AOAH: variants seen among roughly 807,000 people sequenced by gnomAD.
The protein encoded by AOAH is acyloxyacyl hydrolase (neutrophil).
A neutral mutation model predicts 92.2 loss-of-function variants in AOAH; 64 were observed. The ratio of observed to expected loss-of-function variants is 0.69; its 90% confidence interval spans 0.57 to 0.86. The LOEUF (loss-of-function observed/expected upper bound fraction) is 0.86, where lower values mean the gene tolerates loss of function less well. Among genes scored for constraint, AOAH ranks in the 40% least tolerant of loss-of-function variants. The pLI, the probability that AOAH is intolerant of heterozygous loss-of-function variation, is 0.00. For synonymous variants in AOAH, 263 were observed against 254.5 expected (o/e 1.03, Z -0.32); for missense variants, 656 against 694.6 (o/e 0.94, Z 0.62).
At chr7:36,716,634 T>C (rs1178235584) in intron 1 of AOAH, among the ~76,000 whole-genome samples, 2 of 150,278 alleles carry the variant, frequency 1.3e-5, no homozygotes, top group African/African-American at 2.5e-5. Flanking sequence ...CATGGAATAC[T>C]ATGCAGCCAT....
At chr7:36,583,782 C>T (rs1789109713) in intron 12 of AOAH, among the ~76,000 whole-genome samples, 1 of 152,190 alleles carries the variant, frequency 6.6e-6, no homozygotes. Flanking sequence ...ACTAAGATTT[C>T]CTCCCCTCCT....
rs1439528278 is a variant in AOAH at position 36,667,885 on chromosome 7, T to G, written c.290+6058A>C. On this transcript the variant is annotated intron_variant, in intron 3 of 20. Coordinates refer to ENST00000617537, the MANE Select transcript of AOAH (RefSeq NM_001637.4). ...TAACATGGCTGCTCTTTCTTTTGAT[T>G]AATGCTAGCATGGTATAGCTTTCTC... Among the ~76,000 whole-genome samples, 5 of 152,354 alleles carry G rather than the reference T, an allele frequency of 3.3e-5. No individual in the cohort carries two copies. The East Asian group carries it at 9.6e-4, about 29-fold the overall frequency.
chr7:36,551,081 T>TA (rs765477184), intron 13 of AOAH, among the ~76,000 whole-genome samples: 1 of 151,012 alleles, frequency 6.6e-6, no homozygotes, highest in Non-Finnish European at 1.5e-5. Context: ...TCTTTCTTTT[T>TA]TTTTTTTTTT....
chr7:36,550,888 G>A (rs980217843), intron 13 of AOAH, among the ~76,000 whole-genome samples: 7 of 152,116 alleles, frequency 4.6e-5, no homozygotes, highest in African/African-American at 1.7e-4. Flanking sequence ...GCCATGAAGG[G>A]TATGCTGGCC....
At chr7:36,568,604 C>T (rs915541341) in intron 13 of AOAH, among the ~76,000 whole-genome samples, 1 of 152,162 alleles carries the variant, frequency 6.6e-6, no homozygotes, top group Non-Finnish European at 1.5e-5. Context: ...GTGCTCATAG[C>T]ATAACTGCCA....
chr7:36,673,462 G>A (rs970101744), intron 3 of AOAH, among the ~76,000 whole-genome samples: 1 of 151,716 alleles, frequency 6.6e-6, no homozygotes, highest in African/African-American at 2.4e-5. Flanking sequence ...GCTTGAACCT[G>A]GGAGGTGGAG....
At chr7:36,643,790 T>C (rs931591100) in intron 4 of AOAH, among the ~76,000 whole-genome samples, 1 of 151,624 alleles carries the variant, frequency 6.6e-6, no homozygotes, top group Admixed American at 6.6e-5. Flanking sequence ...TGAGTTCTCA[T>C]GAGATCTGGT....
At chr7:36,535,590 C>T (rs555135187) in intron 16 of AOAH, among the ~76,000 whole-genome samples, 17 of 152,296 alleles carry the variant, frequency 1.1e-4, no homozygotes, top group South Asian at 2.1e-4. Context: ...CACTAGCAGA[C>T]GAATTTGCAG....
At chr7:36,639,954 A>C (rs996152794) in intron 4 of AOAH, among the ~76,000 whole-genome samples, 2 of 152,180 alleles carry the variant, frequency 1.3e-5, no homozygotes, top group Non-Finnish European at 2.9e-5. Context: ...TCTGGGGCTC[A>C]ATGTTTGTTG....
intron 6 of AOAH, among the ~76,000 whole-genome samples, chr7:36,626,234 T>C (rs1792655360): frequency 6.6e-6 from 1 of 152,188 alleles, no homozygotes; most frequent in African/African-American, 2.4e-5. Flanking sequence ...AGCCATATTT[T>C]CAGCCTGAGA....
intron 13 of AOAH, among the ~76,000 whole-genome samples, chr7:36,566,359 CTTT>C (rs11363143): frequency 2.8e-4 from 34 of 120,656 alleles, no homozygotes; most frequent in African/African-American, 5.2e-4. Flanking sequence ...TCATCCTTAA[CTTT>C]TTTTTTTTTT....
At chr7:36,553,668 T>C (rs1786459703) in intron 13 of AOAH, among the ~76,000 whole-genome samples, 1 of 152,112 alleles carries the variant, frequency 6.6e-6, no homozygotes, top group Non-Finnish European at 1.5e-5. Context: ...GACTTTTTAA[T>C]GATCGCCATT....
intron 11 of AOAH, among the ~76,000 whole-genome samples, chr7:36,600,614 A>C (rs531937706): frequency 6.6e-6 from 1 of 152,214 alleles, no homozygotes; most frequent in South Asian, 2.1e-4. Context: ...ATTTGAGCCC[A>C]GGTTCTGGTG....
intron 13 of AOAH, among the ~76,000 whole-genome samples, chr7:36,575,887 C>T (rs1000167089): frequency 1.3e-5 from 2 of 152,186 alleles, no homozygotes; most frequent in South Asian, 2.1e-4. Flanking sequence ...GATTGTCAGA[C>T]GTGCTGTGTT....
chr7:36,599,118 A>G (rs1236314285), intron 11 of AOAH, among the ~76,000 whole-genome samples: 1 of 152,210 alleles, frequency 6.6e-6, no homozygotes, highest in Non-Finnish European at 1.5e-5. Context: ...CATAGTTGGC[A>G]CATGTTTACT....
intron 11 of AOAH, among the ~76,000 whole-genome samples, chr7:36,610,804 T>A (rs1384006648): frequency 6.6e-6 from 1 of 152,124 alleles, no homozygotes; most frequent in Non-Finnish European, 1.5e-5. Context: ...AGGGCACAGA[T>A]TGCCTTGTTG....
At chr7:36,570,918 A>C (rs1788095956) in intron 13 of AOAH, among the ~76,000 whole-genome samples, 2 of 152,222 alleles carry the variant, frequency 1.3e-5, no homozygotes, top group Admixed American at 1.3e-4. Context: ...TGCGAAGCAG[A>C]GGCTGAGCTA....
intron 10 of AOAH, 60 bp downstream of exon 10, chr7:36,618,237 T>G: frequency 3.3e-6 from 5 of 1,520,464 alleles, no homozygotes; most frequent in Non-Finnish European, 4.6e-6. Flanking sequence ...CACTTCAATT[T>G]GACTCAAACT....
At chr7:36,676,295 T>C (rs927495486) in intron 2 of AOAH, among the ~76,000 whole-genome samples, 2 of 152,150 alleles carry the variant, frequency 1.3e-5, no homozygotes, top group African/African-American at 4.8e-5. Flanking sequence ...GCAAAACCAA[T>C]TGTATTTCTA....
Sources: allele counts gnomAD v4.1 joint callset (sites outside exome capture counted in the v4.1 genomes callset), GRCh38; gene constraint gnomAD v4.1.1; transcripts MANE v1.5; gene names NCBI Gene and HGNC (gene_info 2026-07-23, HGNC 2026-07-21).